PLXNA2: variants seen among roughly 807,000 people sequenced by gnomAD.
PLXNA2 encodes plexin A2.
Under a neutral mutation model 193.5 loss-of-function variants are expected in PLXNA2, and 91 were observed. The ratio of observed to expected loss-of-function variants is 0.47; its 90% CI spans 0.40 to 0.56. PLXNA2 has a LOEUF of 0.56. Among genes scored for constraint, PLXNA2 ranks in the 20% least tolerant of loss-of-function variants. The probability of loss-of-function intolerance (pLI) is 0.00; values close to 1 mark genes in which losing one functional copy is unlikely to be tolerated. For synonymous variants in PLXNA2, 997 were observed against 1,027.3 expected (o/e 0.97, Z 0.56); for missense variants, 1,995 against 2,503.2 (o/e 0.80, Z 4.33).
intron 3 of PLXNA2, among the ~76,000 whole-genome samples, chr1:208,190,601 A>G (rs528955469): frequency 1.6e-4 from 24 of 152,308 alleles, no homozygotes; most frequent in Admixed American, 5.9e-4. Flanking sequence ...AGTCCCATCC[A>G]TTGTAGGATG....
At chr1:208,177,519 G>A (rs751856684) in intron 3 of PLXNA2, among the ~76,000 whole-genome samples, 1 of 152,210 alleles carries the variant, frequency 6.6e-6, no homozygotes, top group African/African-American at 2.4e-5. Flanking sequence ...CTAAATGAGT[G>A]TTTACTATAA....
chr1:208,044,965 G>A lies in PLXNA2; in HGVS notation c.3639+102C>T. The A allele has an allele frequency of 7.4e-7, 1 of 1,355,988 alleles. No homozygotes were observed. Among genetic ancestry groups the A allele is most frequent in the Middle Eastern group, 2.2e-4 (1 of 4,510 alleles). The allele number at this position is 1,355,988 out of a possible 1,614,324, so 84.0% of individuals were successfully genotyped here. ...ACCCAGAGATGAGGAGATATGGAGG[G>A]GGTGAGTCAGGCAACGAGACAGAAG... is the stretch of plus-strand genomic sequence containing the variant. On this transcript the variant is annotated intron_variant, in intron 19 of 31. Transcript: ENST00000367033. This position sits in a 1 kb window ranked among gnomAD's most constrained non-coding sequence, Gnocchi z 4.9.
Position 208,208,198 on chromosome 1 carries a change from C to T in PLXNA2, c.1371+2082G>A, listed in dbSNP as rs147800281. Among the ~76,000 whole-genome samples, 464 of 152,372 alleles carry T rather than the reference C, an allele frequency of 3.0e-3. 4 individuals are homozygous for T. The South Asian group carries it at 0.032, about 10-fold the overall frequency. ...CATCCATCCATCCATTCAGCAAACA[C>T]TGATTCCTTAATTCACATCTAGATC... On this transcript the variant is annotated intron_variant, in intron 3 of 31. Transcript: ENST00000367033.
At chr1:208,049,022 C>T (rs980775880) in intron 17 of PLXNA2, among the ~76,000 whole-genome samples, 4 of 152,196 alleles carry the variant, frequency 2.6e-5, no homozygotes, top group Non-Finnish European at 4.4e-5. Flanking sequence ...AGGGACAGCC[C>T]TGGGCCCCAG....
intron 3 of PLXNA2, among the ~76,000 whole-genome samples, chr1:208,151,847 C>G (rs1030775248): frequency 2.6e-5 from 4 of 152,212 alleles, no homozygotes; most frequent in African/African-American, 7.2e-5. Flanking sequence ...CTGCCTCCCT[C>G]CAGAGCCTAC....
chr1:208,054,100 A>G (rs1279107545), intron 14 of PLXNA2, among the ~76,000 whole-genome samples: 1 of 152,242 alleles, frequency 6.6e-6, no homozygotes, highest in East Asian at 1.9e-4. Flanking sequence ...CTGGTGGGAC[A>G]AGAGGCAGTT....
At chr1:208,100,765 T>C (rs1320326206) in intron 5 of PLXNA2, among the ~76,000 whole-genome samples, 2 of 152,222 alleles carry the variant, frequency 1.3e-5, no homozygotes, top group Non-Finnish European at 2.9e-5. Context: ...GAAAGCTTGT[T>C]TGGCTGTTTC....
intron 9 of PLXNA2, among the ~76,000 whole-genome samples, chr1:208,091,372 A>G (rs1437892858): frequency 6.6e-6 from 1 of 152,252 alleles, no homozygotes; most frequent in African/African-American, 2.4e-5. Flanking sequence ...AGATTAGAAG[A>G]CACAAGACTC....
At position 208,096,149 on chromosome 1, in the gene PLXNA2, T is replaced by C. The variant is rs112938251; in HGVS notation, c.1886-24A>G. Reference sequence around the variant, plus strand: ...GTCTGGAAAAACAAACAAAAAAGGATGGGGTTGGGTAACAACGTGGGGGAC... The same window carrying C: ...GTCTGGAAAAACAAACAAAAAAGGACGGGGTTGGGTAACAACGTGGGGGAC... On this transcript the variant is annotated intron_variant, in intron 7 of 31. Transcript: ENST00000367033. 1,374 of 1,589,218 alleles carry C rather than the reference T, an allele frequency of 8.6e-4. 13 individuals are homozygous for C. The African/African-American group carries it at 0.011, about 13-fold the overall frequency.
intron 29 of PLXNA2, chr1:208,031,252 T>G: frequency 8.9e-7 from 1 of 1,126,644 alleles, no homozygotes; most frequent in Non-Finnish European, 1.1e-6. Context: ...TGCAGCTCTT[T>G]GCATAGGTTC....
chr1:208,150,652 C>T (rs911242582), intron 3 of PLXNA2, among the ~76,000 whole-genome samples: 1 of 152,288 alleles, frequency 6.6e-6, no homozygotes, highest in Admixed American at 6.5e-5. Context: ...TGTGGCGTCT[C>T]TGCTCCCTCA....
Position 208,130,389 on chromosome 1 carries a change from AACAC to A in PLXNA2, c.1506+11936_1506+11939del, listed in dbSNP as rs559831950. ...CTAACACTAACATAGTGAAGACACT[AACAC>A]TAACATAGTGTAGACACTAACACCC... is the stretch of plus-strand genomic sequence containing the variant. On this transcript the variant is annotated intron_variant, in intron 4 of 31. Transcript: ENST00000367033. Among the ~76,000 whole-genome samples, 238 of 152,338 alleles carry A rather than the reference AACAC, an allele frequency of 1.6e-3. 2 individuals carry two copies. Among genetic ancestry groups the A allele is most frequent in the Middle Eastern group, 0.014 (4 of 294 alleles).
intron 1 of PLXNA2, among the ~76,000 whole-genome samples, chr1:208,241,971 A>G (rs1672069293): frequency 6.6e-6 from 1 of 152,164 alleles, no homozygotes; most frequent in Non-Finnish European, 1.5e-5. Flanking sequence ...GGCCACCACC[A>G]AGGAGAGATC....
chr1:208,055,108 C>T (rs191963523), intron 13 of PLXNA2, among the ~76,000 whole-genome samples: 19 of 152,028 alleles, frequency 1.2e-4, no homozygotes, highest in African/African-American at 3.6e-4. Context: ...GGAGTCCTGC[C>T]GCAGTAGGCA....
chr1:208,054,579 G>T, intron 13 of PLXNA2, 41 bp from the exon 14 acceptor site: 1 of 1,382,504 alleles, frequency 7.2e-7, no homozygotes, highest in Non-Finnish European at 1.0e-6. Flanking sequence ...ACTGGGCAAG[G>T]GCTGGCATCG....
chr1:208,103,085 C>G, intron 5 of PLXNA2, 62 bp downstream of exon 5: 3 of 1,096,408 alleles, frequency 2.7e-6, no homozygotes, highest in Non-Finnish European at 2.8e-6. Flanking sequence ...CATATCCCAT[C>G]ATTCCCGGAA....
intron 9 of PLXNA2, among the ~76,000 whole-genome samples, chr1:208,088,575 T>C (rs1419762762): frequency 2.0e-5 from 3 of 152,242 alleles, no homozygotes; most frequent in Non-Finnish European, 4.4e-5. Context: ...GCTAACACCA[T>C]GTCACAGCCT....
chr1:208,085,245 T>A (rs901968233), intron 9 of PLXNA2, among the ~76,000 whole-genome samples: 2 of 152,188 alleles, frequency 1.3e-5, no homozygotes, highest in African/African-American at 4.8e-5. Flanking sequence ...TGGAGCTCCA[T>A]GACTAGATGC....
intron 17 of PLXNA2, among the ~76,000 whole-genome samples, chr1:208,047,995 G>C (rs139224635): frequency 4.1e-4 from 62 of 152,214 alleles, no homozygotes; most frequent in African/African-American, 1.5e-3. Flanking sequence ...TGAGGGGTGT[G>C]GTGAAATGGG....
Sources: allele counts gnomAD v4.1 joint callset (sites outside exome capture counted in the v4.1 genomes callset), GRCh38; gene constraint gnomAD v4.1.1; non-coding constraint Gnocchi (gnomAD v3.1); transcripts MANE v1.5; gene names NCBI Gene and HGNC (gene_info 2026-07-23, HGNC 2026-07-21).